Variants in FBN2 observed in about 807,000 individuals in gnomAD.
FBN2 encodes fibrillin-2.
Under a neutral mutation model 355.6 loss-of-function variants are expected in FBN2, and 105 were observed. The ratio of observed to expected loss-of-function variants is 0.30; its 90% CI spans 0.25 to 0.35. The LOEUF (loss-of-function observed/expected upper bound fraction) is 0.35. Among genes scored for constraint, FBN2 ranks in the 10% least tolerant of loss-of-function variants. The probability of loss-of-function intolerance (pLI) is 1.00; values close to 1 mark genes in which losing one functional copy is unlikely to be tolerated. For synonymous variants in FBN2, 1,350 were observed against 1,301.2 expected (o/e 1.04, Z -0.81); for missense variants, 3,280 against 3,758.7 (o/e 0.87, Z 3.33).
At chr5:128,514,812 C>T (rs1257402301) in intron 5 of FBN2, among the ~76,000 whole-genome samples, 1 of 152,084 alleles carries the variant, frequency 6.6e-6, no homozygotes, top group Non-Finnish European at 1.5e-5. Context: ...TGTTTTATTT[C>T]TAAATTACTT....
At chr5:128,274,158 G>A (rs1765329256) in intron 60 of FBN2, among the ~76,000 whole-genome samples, 190 bp from the exon 61 acceptor site, 1 of 152,162 alleles carries the variant, frequency 6.6e-6, no homozygotes, top group Non-Finnish European at 1.5e-5. Context: ...ATTTTAAGAG[G>A]TTTGAGATTT....
At chr5:128,511,871 T>C (rs1209338603) in intron 5 of FBN2, among the ~76,000 whole-genome samples, 1 of 152,186 alleles carries the variant, frequency 6.6e-6, no homozygotes, top group East Asian at 1.9e-4. Flanking sequence ...GTACTTGGCT[T>C]AAGTAAACTC....
In FBN2 at chr5:128,310,851, T is replaced by C. The variant is rs144482965; in HGVS notation, c.5074+449A>G. 1.4e-3 allele frequency among the ~76,000 whole-genome samples: 218 copies of C among 152,128 alleles called. 1 individual carries two copies. The highest frequency in any genetic ancestry group is 4.8e-3 in the African/African-American group (199 of 41,524). ...GGCCCCTAAAAGAATTGAAATACCA[T>C]GTGATCAAGTGGGGGGATGGAAGCA... On this transcript the variant is annotated intron_variant, in intron 39 of 64. Coordinates refer to ENST00000262464, the MANE Select transcript of FBN2 (RefSeq NM_001999.4).
chr5:128,513,204 G>A (rs939843732), intron 5 of FBN2, among the ~76,000 whole-genome samples: 2 of 152,190 alleles, frequency 1.3e-5, no homozygotes, highest in Non-Finnish European at 2.9e-5. Context: ...GAAACCCCTG[G>A]AGACAGGTGT....
chr5:128,519,205 C>CA, intron 5 of FBN2, 68 bp downstream of exon 5: 2 of 1,097,028 alleles, frequency 1.8e-6, no homozygotes, highest in Admixed American at 1.9e-5. Context: ...CATTGAATAG[C>CA]AAAAAATTAT....
At chr5:128,366,763 A>G (rs931323292) in intron 16 of FBN2, among the ~76,000 whole-genome samples, 2 of 152,180 alleles carry the variant, frequency 1.3e-5, no homozygotes, top group African/African-American at 4.8e-5. Flanking sequence ...TAATAAAATA[A>G]TAACAGCCAA....
At chr5:128,336,579 G>C (rs546314364) in intron 27 of FBN2, among the ~76,000 whole-genome samples, 3 of 152,178 alleles carry the variant, frequency 2.0e-5, no homozygotes, top group African/African-American at 7.2e-5. Flanking sequence ...TTGCCTACAT[G>C]ATTTGAAGTA....
Position 128,521,665 on chromosome 5 carries a change from A to AT in FBN2, c.533-2298dup, listed in dbSNP as rs537419083. The stretch of plus-strand genomic sequence containing the variant: ...TGCTATTGAGCTGTAGGAAATTTAA[A>AT]TTACAGTCACTTTCCCATGTGTTCT... On this transcript the variant is annotated intron_variant, in intron 4 of 64. Coordinates refer to ENST00000262464, the MANE Select transcript of FBN2 (RefSeq NM_001999.4). Among the ~76,000 whole-genome samples, 50 of 152,364 alleles carry AT rather than the reference A, an allele frequency of 3.3e-4. No individual in the cohort carries two copies. The East Asian group carries it at 7.7e-3, about 24-fold the overall frequency.
At chr5:128,388,497 A>C (rs1752424709) in intron 11 of FBN2, among the ~76,000 whole-genome samples, 1 of 152,120 alleles carries the variant, frequency 6.6e-6, no homozygotes, top group East Asian at 1.9e-4. Context: ...TTCTATGTTT[A>C]ACACTCCCTC....
At chr5:128,318,383 G>T in intron 35 of FBN2, 112 bp from the exon 36 acceptor site, 1 of 1,051,324 alleles carries the variant, frequency 9.5e-7, no homozygotes, top group Admixed American at 1.7e-5. Flanking sequence ...AAGATCACTA[G>T]GAAAGACTCA....
At chr5:128,310,392 ATATATATATATTTT>A (rs1395741130) in intron 39 of FBN2, among the ~76,000 whole-genome samples, 34 of 29,782 alleles carry the variant, frequency 1.1e-3, no homozygotes, top group Admixed American at 2.2e-3. Flanking sequence ...ATATATATAT[ATATATATATATTTT>A]TTTTTTTTTT....
At chr5:128,366,229 C>T (rs541181279) in intron 17 of FBN2, 148 bp downstream of exon 17, 1 of 437,076 alleles carries the variant, frequency 2.3e-6, no homozygotes, top group East Asian at 3.7e-5. Context: ...TATCATCTAG[C>T]TTATAACCAC....
At chr5:128,435,956 C>A (rs1239468909) in intron 7 of FBN2, among the ~76,000 whole-genome samples, 1 of 152,146 alleles carries the variant, frequency 6.6e-6, no homozygotes, top group Non-Finnish European at 1.5e-5. Flanking sequence ...CTGGTCTAGA[C>A]TTTTATAGAA....
Position 128,376,730 on chromosome 5 carries a change from C to A in FBN2, c.1972+1G>T. 1.2e-6 allele frequency: 2 copies of A among 1,613,628 alleles called. No homozygotes were observed. Among genetic ancestry groups the A allele is most frequent in the Non-Finnish European group, 1.7e-6 (2 of 1,179,634 alleles). Reference sequence around the variant, plus strand: ...CTTTCCTATCTGAAAGCCACACATACCAGTACAGTAACGCCCATTTGGAGC... The same window carrying A: ...CTTTCCTATCTGAAAGCCACACATAACAGTACAGTAACGCCCATTTGGAGC... On this transcript the variant is annotated splice_donor_variant, in intron 14 of 64. Coordinates refer to ENST00000262464, the MANE Select transcript of FBN2 (RefSeq NM_001999.4). LOFTEE classifies it high-confidence loss of function.
At chr5:128,351,332 A>G (rs1219351250) in intron 20 of FBN2, among the ~76,000 whole-genome samples, 2 of 152,128 alleles carry the variant, frequency 1.3e-5, no homozygotes, top group African/African-American at 4.8e-5. Flanking sequence ...GGATCACCTG[A>G]GGTCAGAAGT....
At chr5:128,324,710 C>T (rs560592507) in intron 34 of FBN2, among the ~76,000 whole-genome samples, 2 of 151,846 alleles carry the variant, frequency 1.3e-5, no homozygotes, top group Non-Finnish European at 2.9e-5. Context: ...CTCTGCCTCC[C>T]GGGTTCACGC....
intron 62 of FBN2, among the ~76,000 whole-genome samples, chr5:128,269,140 C>T (rs148222304): frequency 2.6e-5 from 4 of 151,772 alleles, no homozygotes; most frequent in Non-Finnish European, 4.4e-5. Context: ...TCTGACCAGG[C>T]GCAGTGGCTC....
At chr5:128,287,570 G>A (rs1160341507) in intron 53 of FBN2, 140 bp from the exon 54 acceptor site, 3 of 837,356 alleles carry the variant, frequency 3.6e-6, no homozygotes, top group Non-Finnish European at 5.8e-6. Context: ...GCAGAATTTA[G>A]TACCTAACAA....
In FBN2 at chr5:128,344,597, A is replaced by T. The variant is rs927891380; in HGVS notation, c.3218-87T>A. 2.3e-6 allele frequency: 3 copies of T among 1,286,946 alleles called. No homozygotes were observed. The African/African-American group carries it at 4.4e-5, about 19-fold the overall frequency. The allele number at this position is 1,286,946 out of a possible 1,614,324, so 79.7% of individuals were successfully genotyped here. On this transcript the variant is annotated intron_variant, in intron 24 of 64. Transcript: ENST00000262464. ...TTAAGTTAAAAATCTATCATGATGG[A>T]CAACAGTAATGCATCCAAGTAAAAA...
Sources: allele counts gnomAD v4.1 joint callset (sites outside exome capture counted in the v4.1 genomes callset), GRCh38; gene constraint gnomAD v4.1.1; transcripts MANE v1.5; gene names NCBI Gene and HGNC (gene_info 2026-07-23, HGNC 2026-07-21).